The following MAP4K4 variants were observed in gnomAD, a reference collection of about 807,000 sequenced individuals.
MAP4K4 encodes the protein HPK/GCK-like kinase HGK.
In MAP4K4, 38 loss-of-function variants were observed where a neutral mutation model predicts 189.6. The ratio of observed to expected loss-of-function variants is 0.20; its 90% confidence interval spans 0.15 to 0.26. MAP4K4 has a LOEUF of 0.26. Ranked by LOEUF, MAP4K4 falls within the 10% of genes least tolerant of loss-of-function variation. The pLI is 1.00. For synonymous variants in MAP4K4, 610 were observed against 624.3 expected, an observed-to-expected ratio of 0.98 and a Z score of 0.34; for missense variants, 1,054 against 1,726.9, an observed-to-expected ratio of 0.61 and a Z score of 6.91.
chr2:101,844,077 T>C, intron 11 of MAP4K4, 24 bp from the exon 12 acceptor site: 3 of 1,581,486 alleles, frequency 1.9e-6, no homozygotes, highest in Non-Finnish European at 2.6e-6. Flanking sequence ...TGCACACCCC[T>C]GAAAGCCCTG....
chr2:101,794,320 A>G (rs1203731444), intron 3 of MAP4K4, among the ~76,000 whole-genome samples: 2 of 152,242 alleles, frequency 1.3e-5, no homozygotes, highest in Non-Finnish European at 2.9e-5. Context: ...AAGTACATGC[A>G]CAAAACAAAG....
Position 101,724,508 on chromosome 2 carries a change from G to C in MAP4K4, c.123+25970G>C, listed in dbSNP as rs565824325. 5.3e-5 allele frequency among the ~76,000 whole-genome samples: 8 copies of C among 152,280 alleles called. No individual in the cohort carries two copies. In the South Asian group the frequency reaches 1.7e-3, roughly 32 times the overall value. On this transcript the variant is annotated intron_variant, in intron 2 of 32. Coordinates refer to ENST00000324219, the Ensembl canonical transcript of MAP4K4. ...CCTCTAATACAGGGATTTAACAGAA[G>C]GTGATTGGGATTTATTGGGCTCCTG... is the stretch of plus-strand genomic sequence containing the variant.
intron 2 of MAP4K4, among the ~76,000 whole-genome samples, chr2:101,735,182 C>T (rs1167781245): frequency 6.6e-6 from 1 of 152,104 alleles, no homozygotes; most frequent in Non-Finnish European, 1.5e-5. Context: ...GTTACCATAC[C>T]ATGGCAAGGA....
At chr2:101,888,726 T>G in intron 31 of MAP4K4, 70 bp from the exon 32 acceptor site, 1 of 1,120,852 alleles carries the variant, frequency 8.9e-7, no homozygotes, top group African/African-American at 1.6e-5. Context: ...ATATTTTTAT[T>G]AAGTAAGCAA....
intron 2 of MAP4K4, among the ~76,000 whole-genome samples, chr2:101,787,716 A>AT (rs2148747441): frequency 6.6e-6 from 1 of 150,714 alleles, no homozygotes; most frequent in Admixed American, 6.6e-5. Flanking sequence ...TCCCAAGACT[A>AT]TTTTGCTGGC....
At chr2:101,807,966 C>G (rs1464713037) in intron 3 of MAP4K4, among the ~76,000 whole-genome samples, 2 of 152,220 alleles carry the variant, frequency 1.3e-5, no homozygotes, top group Non-Finnish European at 2.9e-5. Flanking sequence ...CTACCTCCAG[C>G]ATTGGGGATT....
chr2:101,837,099 C>CTTTTTTTT (rs76757886), intron 9 of MAP4K4, among the ~76,000 whole-genome samples: 1 of 133,250 alleles, frequency 7.5e-6, no homozygotes, highest in Non-Finnish European at 1.6e-5. Flanking sequence ...TACTATATGG[C>CTTTTTTTT]TTTTTTTTTT....
chr2:101,739,907 C>T (rs1464918598), intron 2 of MAP4K4, among the ~76,000 whole-genome samples: 5 of 152,292 alleles, frequency 3.3e-5, no homozygotes, highest in African/African-American at 1.2e-4. Flanking sequence ...AGGGCAGTCA[C>T]TCTCTCATCT....
intron 2 of MAP4K4, among the ~76,000 whole-genome samples, chr2:101,773,911 G>A (rs1269271617): frequency 1.3e-5 from 2 of 152,140 alleles, no homozygotes; most frequent in Non-Finnish European, 2.9e-5. Context: ...GCAAATGACA[G>A]GATCTTATAC....
chr2:101,795,036 C>T (rs957033862), intron 3 of MAP4K4, among the ~76,000 whole-genome samples: 2 of 152,120 alleles, frequency 1.3e-5, no homozygotes, highest in South Asian at 4.1e-4. Flanking sequence ...TTGGGTACTT[C>T]ATATTGCCTC....
At chr2:101,750,790 C>A (rs1394642645) in intron 2 of MAP4K4, among the ~76,000 whole-genome samples, 1 of 150,500 alleles carries the variant, frequency 6.6e-6, no homozygotes, top group African/African-American at 2.5e-5. Flanking sequence ...GCACCACTTG[C>A]ACTCCAGCCT....
chr2:101,784,045 C>A (rs114196169), intron 2 of MAP4K4, among the ~76,000 whole-genome samples: 2,209 of 152,282 alleles, frequency 0.015, 27 homozygotes, highest in South Asian at 0.027. Context: ...CTTGAGAGAT[C>A]CATGTTCTGT....
intron 9 of MAP4K4, among the ~76,000 whole-genome samples, chr2:101,839,078 G>A (rs1235174147): frequency 6.6e-6 from 1 of 152,216 alleles, no homozygotes; most frequent in East Asian, 1.9e-4. Flanking sequence ...GTGTTGCCAG[G>A]AAGATTTACC....
intron 3 of MAP4K4, among the ~76,000 whole-genome samples, chr2:101,811,263 C>T (rs1462387749): frequency 6.8e-6 from 1 of 146,774 alleles, no homozygotes; most frequent in Non-Finnish European, 1.5e-5. Flanking sequence ...CCCAGCTACT[C>T]GGGAAGCTGA....
At chr2:101,864,989 G>C (rs781509074) in exon 18 of MAP4K4, 1 of 1,576,860 alleles carries the variant, frequency 6.3e-7, no homozygotes, top group South Asian at 1.2e-5. Context: ...CCCCACTGCA[G>C]GGCAGTGGGC....
At chr2:101,827,621 G>A (rs2236934) in intron 5 of MAP4K4, among the ~76,000 whole-genome samples, 113,472 of 152,134 alleles carry the variant, frequency 0.75, 42,644 homozygotes, top group African/African-American at 0.86. Context: ...GGAGGGTCCT[G>A]AGCAGGTAGG....
intron 24 of MAP4K4, among the ~76,000 whole-genome samples, chr2:101,871,913 C>T (rs752878504): frequency 6.6e-6 from 1 of 152,146 alleles, no homozygotes; most frequent in Non-Finnish European, 1.5e-5. Context: ...GTTTACTGTT[C>T]TGTAGATAAG....
chr2:101,791,720 C>G (rs917453244), intron 3 of MAP4K4, among the ~76,000 whole-genome samples: 3 of 152,188 alleles, frequency 2.0e-5, no homozygotes, highest in Non-Finnish European at 4.4e-5. Context: ...CTTTGCCTTG[C>G]TCTTTGCTGG....
Position 101,740,308 on chromosome 2 carries a change from T to C in MAP4K4, c.123+41770T>C, listed in dbSNP as rs1056961445. 1.6e-5 allele frequency among the ~76,000 whole-genome samples: 2 copies of C among 126,758 alleles called. 1 individual carries two copies. Among genetic ancestry groups the C allele is most frequent in the African/African-American group, 9.9e-5 (2 of 20,200 alleles). The allele number at this position is 126,758 out of a possible 152,430, so 83.2% of individuals were successfully genotyped here. ...AGCTGGGACTACAGGCGCCCGCCAC[T>C]ACGCCCGGCTAATTTTTTGTATTTT... On this transcript the variant is annotated intron_variant, in intron 2 of 32. Coordinates refer to ENST00000324219, the Ensembl canonical transcript of MAP4K4.
Sources: allele counts gnomAD v4.1 joint callset (sites outside exome capture counted in the v4.1 genomes callset), GRCh38; gene constraint gnomAD v4.1.1; transcripts MANE v1.5; gene names NCBI Gene and HGNC (gene_info 2026-07-23, HGNC 2026-07-21).